The following SLC25A42 variants were observed in gnomAD, a reference collection of about 807,000 sequenced individuals.
The protein encoded by SLC25A42 is mitochondrial coenzyme A transporter SLC25A42.
SLC25A42 carries 19 observed loss-of-function variants against 34.7 expected under a neutral mutation model. That is an observed-to-expected ratio of 0.55 (90% CI 0.38 to 0.80). The LOEUF (loss-of-function observed/expected upper bound fraction) is 0.80. Ranked by LOEUF, SLC25A42 falls within the 30% of genes least tolerant of loss-of-function variation. The pLI is 0.00. For missense variants in SLC25A42, 364 were observed against 441.3 expected (o/e 0.82, Z 1.57); for synonymous variants, 205 against 191.2 (o/e 1.07, Z -0.59).
At chr19:19,089,058 T>A (rs117669743) in intron 1 of SLC25A42, among the ~76,000 whole-genome samples, 9,681 of 146,128 alleles carry the variant, frequency 0.066, 367 homozygotes, top group Middle Eastern at 0.16. Context: ...TCTGCCCTCC[T>A]TGGCCCAAAG....
chr19:19,098,783 G>A (rs919196462), intron 2 of SLC25A42, among the ~76,000 whole-genome samples: 4 of 152,140 alleles, frequency 2.6e-5, no homozygotes, highest in Non-Finnish European at 5.9e-5. Flanking sequence ...AGCCAGGCAG[G>A]GTGGCGCGCA....
intron 1 of SLC25A42, among the ~76,000 whole-genome samples, chr19:19,080,397 G>A (rs1252310640): frequency 1.3e-5 from 2 of 152,148 alleles, no homozygotes; most frequent in African/African-American, 4.8e-5. Context: ...AGAAAAGGAA[G>A]GAGGCAAGGG....
intron 1 of SLC25A42, among the ~76,000 whole-genome samples, chr19:19,071,923 G>T (rs980033403): frequency 2.6e-5 from 4 of 152,166 alleles, no homozygotes; most frequent in Non-Finnish European, 5.9e-5. Flanking sequence ...TGAGCAGCGG[G>T]ACAAATCATC....
intron 1 of SLC25A42, among the ~76,000 whole-genome samples, chr19:19,069,312 G>A (rs1037636250): frequency 2.0e-5 from 3 of 152,208 alleles, no homozygotes; most frequent in African/African-American, 7.2e-5. Context: ...GTGAGGTTCT[G>A]GCAGGCAAAT....
chr19:19,110,559 C>A lies in SLC25A42; in HGVS notation c.650-10C>A. ...GCGCCTTCACGGCCCTCCCGCCCCT[C>A]GCCCTGCAGAGTACAGCGGCCGCCG... is the stretch of plus-strand genomic sequence containing the variant. On this transcript the variant is annotated splice_polypyrimidine_tract_variant and intron_variant, in intron 7 of 7. Transcript: ENST00000318596. The A allele has an allele frequency of 7.2e-7, 1 of 1,388,160 alleles. No individual in the cohort carries two copies. Among genetic ancestry groups the A allele is most frequent in the Non-Finnish European group, 9.3e-7 (1 of 1,078,928 alleles). 86.0% of individuals were successfully genotyped at this position (1,388,160 alleles called of 1,614,324 possible).
At chr19:19,106,750 T>C (rs1257362391) in intron 6 of SLC25A42, 5 of 153,896 alleles carry the variant, frequency 3.2e-5, no homozygotes, top group Non-Finnish European at 7.2e-5. Flanking sequence ...TTGGGCAACA[T>C]GGTGAAACCC....
chr19:19,068,144 A>T (rs1318143464), intron 1 of SLC25A42, among the ~76,000 whole-genome samples: 2 of 151,528 alleles, frequency 1.3e-5, no homozygotes, highest in Non-Finnish European at 2.9e-5. Flanking sequence ...TCATGAGGTC[A>T]GGAGTTCAAG....
Position 19,108,116 on chromosome 19 carries a change from G to A in SLC25A42, c.649+71G>A, listed in dbSNP as rs1599692748. 9 of 1,504,720 alleles carry A rather than the reference G, an allele frequency of 6.0e-6. No homozygotes were observed. The East Asian group carries it at 2.1e-4, about 35-fold the overall frequency. The allele number at this position is 1,504,720 out of a possible 1,614,324, so 93.2% of individuals were successfully genotyped here. ...CCCTGGGGACAGCAGCTCCACCTGG[G>A]TCACATAGACCTGGAGACCAGGCGG... On this transcript the variant is annotated intron_variant, in intron 7 of 7. Coordinates refer to ENST00000318596, the MANE Select transcript of SLC25A42 (RefSeq NM_178526.5).
chr19:19,064,776 T>C (rs2059592484), intron 1 of SLC25A42, among the ~76,000 whole-genome samples: 1 of 151,530 alleles, frequency 6.6e-6, no homozygotes. Flanking sequence ...GCACACCCTC[T>C]GTAATAATCC....
chr19:19,100,828 C>T (rs1228489205), intron 2 of SLC25A42, among the ~76,000 whole-genome samples: 4 of 152,180 alleles, frequency 2.6e-5, no homozygotes, highest in Admixed American at 6.6e-5. Context: ...GGTGGGACTT[C>T]GCAGATTCCT....
chr19:19,071,998 A>T (rs2059632883), intron 1 of SLC25A42, among the ~76,000 whole-genome samples: 1 of 152,340 alleles, frequency 6.6e-6, no homozygotes, highest in East Asian at 1.9e-4. Flanking sequence ...GCATGGGGCG[A>T]CCCAGGATGA....
chr19:19,070,170 T>C (rs553939613), intron 1 of SLC25A42, among the ~76,000 whole-genome samples: 7 of 151,860 alleles, frequency 4.6e-5, no homozygotes, highest in Admixed American at 3.9e-4. Context: ...ATTTTCTGTA[T>C]TTTTTTAGTA....
At position 19,111,050 on chromosome 19, in the gene SLC25A42, T is replaced by A. The variant is rs538978000; in HGVS notation, c.*174T>A. 4.4e-6 allele frequency: 3 copies of A among 685,978 alleles called. No individual in the cohort carries two copies. In the African/African-American group the frequency reaches 5.5e-5, roughly 13 times the overall value. The allele number at this position is 685,978 out of a possible 1,614,324, so 42.5% of individuals were successfully genotyped here. A position where few individuals can be genotyped will look rare whatever the true frequency, so the allele number is the denominator to read the frequency against. On this transcript the variant is annotated 3_prime_UTR_variant, in exon 8 of 8. Transcript: ENST00000318596. ...CAGAGTCCACGTCCAAACGCAAAGC[T>A]GGCAGCCCTGGAAGTGCAGTGTTGG...
chr19:19,074,696 TGA>T lies in SLC25A42; in HGVS notation c.-35+10587_-35+10588del, dbSNP rs544605351. ...GTCTGTGTGTGTGTGACAGTGTGTG[TGA>T]GAGAGTGTGTGTGTGCGTGCGTGTA... On this transcript the variant is annotated intron_variant, in intron 1 of 7. Transcript: ENST00000318596. Among the ~76,000 whole-genome samples the T allele has an allele frequency of 9.9e-4, 150 of 152,032 alleles. 3 individuals are homozygous for T. Among genetic ancestry groups the T allele is most frequent in the Admixed American group, 4.6e-3 (70 of 15,240 alleles).
rs530190232 is a variant in SLC25A42 at position 19,103,370 on chromosome 19, T to C, written c.187+1484T>C. Among the ~76,000 whole-genome samples the C allele has an allele frequency of 2.0e-4, 31 of 152,220 alleles. No homozygotes were observed. In the South Asian group the frequency reaches 6.2e-3, roughly 31 times the overall value. On this transcript the variant is annotated intron_variant, in intron 3 of 7. Transcript: ENST00000318596. ...TTGGCCTCCCAAAGTGCTGGGATTATGGGCATGAGTCACCGCGCCCGGCCT... is the reference window on the plus strand; with the variant it reads ...TTGGCCTCCCAAAGTGCTGGGATTACGGGCATGAGTCACCGCGCCCGGCCT...
In SLC25A42 at chr19:19,081,518, G is replaced by A. The variant is rs78571075; in HGVS notation, c.-34-14573G>A. Among the ~76,000 whole-genome samples, 1,572 of 152,314 alleles carry A rather than the reference G, an allele frequency of 0.01. 30 individuals are homozygous for A. The highest frequency in any genetic ancestry group is 0.036 in the African/African-American group (1,477 of 41,558). On this transcript the variant is annotated intron_variant, in intron 1 of 7. Coordinates refer to ENST00000318596, the MANE Select transcript of SLC25A42 (RefSeq NM_178526.5). This position sits in a 1 kb window ranked among gnomAD's most constrained non-coding sequence, Gnocchi z 4.5. ...AACCTCTTCTCGCTTGGGAAGCCGAGGTGGGGGCTGATGGGCGTAGGTAGA... is the reference window on the plus strand; with the variant it reads ...AACCTCTTCTCGCTTGGGAAGCCGAAGTGGGGGCTGATGGGCGTAGGTAGA...
At chr19:19,096,068 A>T in intron 1 of SLC25A42, 23 bp from the exon 2 acceptor site, 1 of 1,484,148 alleles carries the variant, frequency 6.7e-7, no homozygotes, top group Non-Finnish European at 9.4e-7. Context: ...GCCGTATCTT[A>T]CCACCTCCCC....
intron 2 of SLC25A42, among the ~76,000 whole-genome samples, chr19:19,100,940 T>C (rs1222478889): frequency 2.6e-5 from 4 of 152,156 alleles, no homozygotes; most frequent in Non-Finnish European, 5.9e-5. Context: ...ATGAGTCCCA[T>C]GGCCGAGTCC....
At chr19:19,088,095 C>A (rs912284901) in intron 1 of SLC25A42, among the ~76,000 whole-genome samples, 1 of 152,100 alleles carries the variant, frequency 6.6e-6, no homozygotes, top group African/African-American at 2.4e-5. Flanking sequence ...AGTTTTGTTG[C>A]CATGTATGGA....
Sources: allele counts gnomAD v4.1 joint callset (sites outside exome capture counted in the v4.1 genomes callset), GRCh38; gene constraint gnomAD v4.1.1; non-coding constraint Gnocchi (gnomAD v3.1); transcripts MANE v1.5; gene names NCBI Gene and HGNC (gene_info 2026-07-23, HGNC 2026-07-21).